The following VAV1 variants were observed in gnomAD, a reference collection of about 807,000 sequenced individuals.
VAV1 encodes the protein vav guanine nucleotide exchange factor 1.
A neutral mutation model predicts 128.1 loss-of-function variants in VAV1; 33 were observed. That is an observed-to-expected ratio of 0.26 (90% confidence interval 0.20 to 0.34). The LOEUF (loss-of-function observed/expected upper bound fraction) is 0.34. Among genes scored for constraint, VAV1 ranks in the 10% least tolerant of loss-of-function variants. The pLI, the probability that VAV1 is intolerant of heterozygous loss-of-function variation, is 1.00. For synonymous variants in VAV1, 394 were observed against 409.8 expected (o/e 0.96, Z 0.47); for missense variants, 715 against 1,093.7 (o/e 0.65, Z 4.88).
intron 1 of VAV1, among the ~76,000 whole-genome samples, chr19:6,809,030 A>G (rs557027186): frequency 1.3e-5 from 2 of 152,022 alleles, no homozygotes; most frequent in South Asian, 4.1e-4. Flanking sequence ...AAAGCGAGCC[A>G]CAAGACCAAC....
chr19:6,796,711 A>G (rs11085201), intron 1 of VAV1, among the ~76,000 whole-genome samples: 7,291 of 152,142 alleles, frequency 0.048, 422 homozygotes, highest in African/African-American at 0.14. Context: ...GGACTTCCCT[A>G]TTTAAAATTG....
intron 21 of VAV1, among the ~76,000 whole-genome samples, chr19:6,842,015 C>G (rs951183960): frequency 6.6e-6 from 1 of 151,590 alleles, no homozygotes; most frequent in African/African-American, 2.4e-5. Flanking sequence ...CACCTGAGCT[C>G]GGGAGTTTGA....
intron 1 of VAV1, among the ~76,000 whole-genome samples, chr19:6,815,019 G>T (rs1298207166): frequency 2.0e-5 from 3 of 151,812 alleles, no homozygotes; most frequent in Non-Finnish European, 4.4e-5. Context: ...GTCTTCTGTT[G>T]CAGATTTCTC....
rs1328125015 is a variant in VAV1 at position 6,826,655 on chromosome 19, A to G, written c.871A>G (p.Ser291Gly). ...CTACTGCAGCCAGGTGGAGTCAGCCAGCAAACACCTGGACCGTGTGGCCGC... is the reference window on the plus strand; with the variant it reads ...CTACTGCAGCCAGGTGGAGTCAGCCGGCAAACACCTGGACCGTGTGGCCGC... ...GRYCSQVESA[S>G]KHLDRVAAAR... Residue 291 changes from serine (S) to glycine (G), a missense_variant, in exon 9 of 27, where the codon AGC (serine) becomes GGC (glycine). Physicochemically the swap from Ser to Gly is moderately conservative, Grantham distance 56 (BLOSUM62 0). Around this residue, in one of 3 missense-constraint regions of VAV1, gnomAD observed 302 missense variants for 477.8 expected, o/e 0.63. Transcript: ENST00000602142. The surrounding 1 kb of genome is among the most constrained non-coding windows in gnomAD (Gnocchi z 4.1). 3 of 1,562,590 alleles carry G rather than the reference A, an allele frequency of 1.9e-6. No homozygotes were observed. The highest frequency in any genetic ancestry group is 4.8e-5 in the East Asian group (2 of 42,060).
intron 1 of VAV1, among the ~76,000 whole-genome samples, chr19:6,809,800 A>G (rs1014842045): frequency 6.6e-6 from 1 of 152,024 alleles, no homozygotes; most frequent in Admixed American, 6.6e-5. Context: ...TGGTGAGAAG[A>G]GCTTAGATGT....
In VAV1 at chr19:6,821,498, A is replaced by G; in HGVS notation, c.322-124A>G. 3 of 1,132,926 alleles carry G rather than the reference A, an allele frequency of 2.6e-6. No homozygotes were observed. In the East Asian group the frequency reaches 7.0e-5, roughly 27 times the overall value. 70.2% of individuals were successfully genotyped at this position (1,132,926 alleles called of 1,614,324 possible). A position where few individuals can be genotyped will look rare whatever the true frequency, so the allele number is the denominator to read the frequency against. On this transcript the variant is annotated intron_variant, in intron 2 of 26. Coordinates refer to ENST00000602142, the MANE Select transcript of VAV1 (RefSeq NM_005428.4). ...GTATGGGGAATAGGAGGTAGAGAAA[A>G]TCCTGAATTAGGCTTCCAAGAGGCA...
intron 1 of VAV1, among the ~76,000 whole-genome samples, chr19:6,780,382 C>T (rs1039589501): frequency 1.2e-4 from 18 of 149,946 alleles, no homozygotes; most frequent in Admixed American, 1.1e-3. Context: ...CTGAGAAATG[C>T]GTAGTTAGAT....
chr19:6,804,081 G>A (rs111975218), intron 1 of VAV1, among the ~76,000 whole-genome samples: 129 of 152,148 alleles, frequency 8.5e-4, no homozygotes, highest in African/African-American at 3.0e-3. Context: ...TGGAAAGGGG[G>A]TATGGATAGG....
In VAV1 at chr19:6,828,052, C is replaced by T. The variant is rs1209285586; in HGVS notation, c.928-24C>T. On this transcript the variant is annotated intron_variant, in intron 9 of 26. Transcript: ENST00000602142. The surrounding 1 kb of genome is among the most constrained non-coding windows in gnomAD (Gnocchi z 4.5). ...CTGTTTCTGGGACCTGCCTCAGTTTCCCCATTGTTCTCTGATTCCCCAGGA... is the reference window on the plus strand; with the variant it reads ...CTGTTTCTGGGACCTGCCTCAGTTTTCCCATTGTTCTCTGATTCCCCAGGA... 1 of 1,610,764 alleles carries T rather than the reference C, an allele frequency of 6.2e-7. No homozygotes were observed. The highest frequency in any genetic ancestry group is 1.3e-5 in the African/African-American group (1 of 74,850).
chr19:6,818,025 C>T (rs569772534), intron 1 of VAV1, among the ~76,000 whole-genome samples: 1 of 152,150 alleles, frequency 6.6e-6, no homozygotes, highest in South Asian at 2.1e-4. Flanking sequence ...CATTATGTGG[C>T]CCCAGGCTGA....
chr19:6,821,990 T>C, intron 4 of VAV1, 131 bp downstream of exon 4: 1 of 1,312,544 alleles, frequency 7.6e-7, no homozygotes. Flanking sequence ...CAACCTTGCC[T>C]GAGAGTCTGG....
intron 6 of VAV1, among the ~76,000 whole-genome samples, chr19:6,823,118 T>C (rs1971835913): frequency 7.2e-6 from 1 of 138,862 alleles, no homozygotes; most frequent in South Asian, 2.3e-4. Context: ...ATATATATCT[T>C]TATCTATCTA....
chr19:6,821,574 C>A, intron 2 of VAV1, 48 bp from the exon 3 acceptor site: 1 of 1,608,454 alleles, frequency 6.2e-7, no homozygotes, highest in East Asian at 2.2e-5. Flanking sequence ...TGTGTTCTGC[C>A]GTGGGGGTGT....
intron 1 of VAV1, among the ~76,000 whole-genome samples, chr19:6,810,118 G>A (rs576288407): frequency 6.6e-6 from 1 of 152,232 alleles, no homozygotes; most frequent in South Asian, 2.1e-4. Context: ...GGTGGAGGCT[G>A]CAGTGAGCTA....
chr19:6,774,759 AT>A (rs1457423281), intron 1 of VAV1, among the ~76,000 whole-genome samples: 4 of 147,108 alleles, frequency 2.7e-5, no homozygotes, highest in African/African-American at 1.0e-4. Flanking sequence ...TTTTTATCTT[AT>A]CTTTTATTTT....
rs1052570396 is a variant in VAV1 at position 6,833,931 on chromosome 19, G to C, written c.1755G>C (p.Gln585His). The change falls in exon 19 of 27, where the codon CAG becomes CAC. Residue 585 changes from glutamine to histidine, a missense_variant. Physicochemically the swap from Gln to His is conservative, Grantham distance 24. This residue lies in a region of VAV1 where 407 missense variants were observed against 580.6 expected (regional missense o/e 0.70). Transcript: ENST00000602142. ...AGGACAAACTACATCGCAGGGCTCA[G>C]GACAAAAAGAGGAATGAGCTGGGTG... ...MKKDKLHRRAQDKKRNELGLP... is the reference protein window; with the variant it reads ...MKKDKLHRRAHDKKRNELGLP... 6.2e-7 allele frequency: 1 copy of C among 1,614,058 alleles called. No homozygotes were observed. Among genetic ancestry groups the C allele is most frequent in the South Asian group, 1.1e-5 (1 of 91,062 alleles).
intron 13 of VAV1, among the ~76,000 whole-genome samples, 164 bp from the exon 14 acceptor site, chr19:6,829,622 A>T (rs986741774): frequency 3.9e-5 from 6 of 152,100 alleles, no homozygotes; most frequent in African/African-American, 1.4e-4. Context: ...AGTAGGGCCA[A>T]TGCGGATCAC....
chr19:6,811,555 G>T (rs993773992), intron 1 of VAV1, among the ~76,000 whole-genome samples: 2 of 152,250 alleles, frequency 1.3e-5, no homozygotes, highest in South Asian at 2.1e-4. Context: ...ATTGGGGAAG[G>T]TTTCCTGGAA....
At chr19:6,855,752 A>G (rs1217126340) in intron 26 of VAV1, among the ~76,000 whole-genome samples, 2 of 151,682 alleles carry the variant, frequency 1.3e-5, no homozygotes, top group Non-Finnish European at 2.9e-5. Flanking sequence ...ACCACCATCC[A>G]CTCACCCTTC....
Sources: gnomAD v4.1 joint callset for allele counts (sites outside exome capture counted in the v4.1 genomes callset) on GRCh38, gnomAD v4.1.1 for gene constraint, gnomAD v4.1.1 regional missense constraint, Gnocchi (gnomAD v3.1) non-coding constraint, MANE v1.5 for transcripts, NCBI Gene and HGNC (gene_info 2026-07-23, HGNC 2026-07-21) for gene names.